DPYD: variants seen among roughly 807,000 people sequenced by gnomAD.
DPYD encodes dihydropyrimidine dehydrogenase [NADP(+)].
In DPYD, 109 loss-of-function variants were observed where a neutral mutation model predicts 116.2. The observed-to-expected ratio is 0.94, with a 90% CI of 0.80 to 1.10. The LOEUF (loss-of-function observed/expected upper bound fraction) is 1.10. DPYD is among the 50% of genes least tolerant of loss of function. The probability of loss-of-function intolerance (pLI) is 0.00; values close to 1 mark genes in which losing one functional copy is unlikely to be tolerated. For synonymous variants in DPYD, 440 were observed against 432.0 expected (o/e 1.02, Z -0.23); for missense variants, 1,302 against 1,254.5 (o/e 1.04, Z -0.57).
chr1:97,371,406 T>G (rs1671305804), intron 16 of DPYD, among the ~76,000 whole-genome samples: 1 of 152,184 alleles, frequency 6.6e-6, no homozygotes, highest in Non-Finnish European at 1.5e-5. Context: ...GAAGAGGGAC[T>G]AGAATGACTC....
At chr1:97,616,846 T>C (rs758244624) in intron 8 of DPYD, among the ~76,000 whole-genome samples, 4 of 152,310 alleles carry the variant, frequency 2.6e-5, no homozygotes, top group African/African-American at 9.6e-5. Flanking sequence ...TTCCTAAGAT[T>C]ATTAGAGTAG....
intron 8 of DPYD, among the ~76,000 whole-genome samples, chr1:97,624,295 A>G (rs1656796850): frequency 6.6e-6 from 1 of 152,064 alleles, no homozygotes; most frequent in Non-Finnish European, 1.5e-5. Flanking sequence ...AAAAATCCCA[A>G]TTAAAAATGG....
chr1:97,657,073 T>A (rs1658962409), intron 8 of DPYD, among the ~76,000 whole-genome samples: 1 of 151,734 alleles, frequency 6.6e-6, no homozygotes, highest in African/African-American at 2.4e-5. Context: ...GTTCAAGCGA[T>A]TCTCCTGCCT....
intron 4 of DPYD, among the ~76,000 whole-genome samples, chr1:97,728,395 T>C (rs963948698): frequency 1.1e-4 from 16 of 152,110 alleles, no homozygotes; most frequent in Non-Finnish European, 1.5e-4. Context: ...AATTACAGCA[T>C]GAAACTGCAT....
intron 13 of DPYD, among the ~76,000 whole-genome samples, chr1:97,460,861 A>C (rs1676977426): frequency 6.6e-6 from 1 of 152,042 alleles, no homozygotes; most frequent in Non-Finnish European, 1.5e-5. Flanking sequence ...CAACAGGGAG[A>C]AACCCTGTCT....
At chr1:97,384,314 G>C (rs1487803745) in intron 14 of DPYD, among the ~76,000 whole-genome samples, 1 of 150,110 alleles carries the variant, frequency 6.7e-6, no homozygotes, top group African/African-American at 2.4e-5. Context: ...AGAAAGTTGT[G>C]ACCATATTGG....
chr1:97,396,114 A>G (rs1489236717), intron 14 of DPYD, among the ~76,000 whole-genome samples: 3 of 152,108 alleles, frequency 2.0e-5, no homozygotes, highest in Non-Finnish European at 4.4e-5. Context: ...TACCACAATA[A>G]GAACTATTAC....
chr1:97,239,898 G>A (rs886682609), intron 18 of DPYD, among the ~76,000 whole-genome samples: 7 of 151,962 alleles, frequency 4.6e-5, no homozygotes, highest in East Asian at 1.9e-4. Flanking sequence ...TATAAAAGGC[G>A]AGGACATAAT....
At chr1:97,780,881 A>C (rs924410308) in intron 3 of DPYD, among the ~76,000 whole-genome samples, 5 of 152,226 alleles carry the variant, frequency 3.3e-5, no homozygotes, top group Non-Finnish European at 7.3e-5. Context: ...ATTTCAGATA[A>C]AGACAATATC....
intron 3 of DPYD, among the ~76,000 whole-genome samples, chr1:97,781,460 T>C (rs1243584741): frequency 6.6e-6 from 1 of 152,242 alleles, no homozygotes; most frequent in Non-Finnish European, 1.5e-5. Context: ...CTGTATAACA[T>C]GTTCCATGCA....
At chr1:97,577,063 T>C (rs1215490363) in intron 10 of DPYD, among the ~76,000 whole-genome samples, 3 of 152,170 alleles carry the variant, frequency 2.0e-5, no homozygotes, top group Admixed American at 2.0e-4. Context: ...TCTTGGGAAA[T>C]AGGGAAATAC....
At chr1:97,136,664 G>C (rs1464774949) in intron 20 of DPYD, among the ~76,000 whole-genome samples, 3 of 152,088 alleles carry the variant, frequency 2.0e-5, no homozygotes, top group Non-Finnish European at 4.4e-5. Context: ...AATTGTGCTG[G>C]AATCCAAGGG....
intron 4 of DPYD, among the ~76,000 whole-genome samples, chr1:97,730,657 G>A (rs983309871): frequency 2.2e-4 from 34 of 151,466 alleles, no homozygotes; most frequent in African/African-American, 8.2e-4. Context: ...CTTTATCCAG[G>A]GAAAATAATT....
At chr1:97,627,817 TTATA>T (rs997865371) in intron 8 of DPYD, among the ~76,000 whole-genome samples, 3 of 151,358 alleles carry the variant, frequency 2.0e-5, no homozygotes, top group Non-Finnish European at 4.4e-5. Flanking sequence ...ACTAATAGTA[TTATA>T]TATTAATATT....
At chr1:97,222,260 A>G (rs995812157) in intron 19 of DPYD, among the ~76,000 whole-genome samples, 1 of 152,136 alleles carries the variant, frequency 6.6e-6, no homozygotes, top group Non-Finnish European at 1.5e-5. Context: ...GGGACAAGAA[A>G]AAATTTAGGC....
At chr1:97,666,473 A>G (rs1191098453) in intron 8 of DPYD, among the ~76,000 whole-genome samples, 2 of 152,026 alleles carry the variant, frequency 1.3e-5, no homozygotes, top group Admixed American at 1.3e-4. Flanking sequence ...CTGTGTTTTA[A>G]TTCTTGGTTG....
chr1:97,724,607 A>G (rs1422845165), intron 4 of DPYD, among the ~76,000 whole-genome samples: 2 of 151,650 alleles, frequency 1.3e-5, no homozygotes, highest in African/African-American at 2.4e-5. Flanking sequence ...GGGTAGAGCT[A>G]GCATTTTGTT....
At chr1:97,229,873 T>C (rs1441079361) in intron 19 of DPYD, among the ~76,000 whole-genome samples, 1 of 152,124 alleles carries the variant, frequency 6.6e-6, no homozygotes, top group Non-Finnish European at 1.5e-5. Context: ...TCTGGGCTAT[T>C]CCCAGCTAGA....
chr1:97,560,357 T>G (rs908731548), intron 11 of DPYD, among the ~76,000 whole-genome samples: 3 of 152,094 alleles, frequency 2.0e-5, no homozygotes, highest in Non-Finnish European at 2.9e-5. Context: ...GTAAATAGAT[T>G]GATGACGTGG....
Sources: gnomAD v4.1 joint callset for allele counts (sites outside exome capture counted in the v4.1 genomes callset) on GRCh38, gnomAD v4.1.1 for gene constraint, MANE v1.5 for transcripts, NCBI Gene and HGNC (gene_info 2026-07-23, HGNC 2026-07-21) for gene names.